Variants in TFAP2A observed in about 807,000 individuals in gnomAD.
The protein encoded by TFAP2A is transcription factor AP-2-alpha.
In TFAP2A, 7 loss-of-function variants were observed where a neutral mutation model predicts 41.5. That is an observed-to-expected ratio of 0.17 (90% CI 0.10 to 0.32). The LOEUF (loss-of-function observed/expected upper bound fraction) is 0.32, where lower values mean the gene tolerates loss of function less well. Among genes scored for constraint, TFAP2A ranks in the 10% least tolerant of loss-of-function variants. The pLI is 1.00. For missense variants in TFAP2A, 416 were observed against 563.3 expected, an observed-to-expected ratio of 0.74 and a Z score of 2.65; for synonymous variants, 247 against 242.8, an observed-to-expected ratio of 1.02 and a Z score of -0.16.
At chr6:10,413,288 C>T (rs1419555425) in intron 1 of TFAP2A, among the ~76,000 whole-genome samples, 1 of 152,112 alleles carries the variant, frequency 6.6e-6, no homozygotes, top group Admixed American at 6.5e-5. Flanking sequence ...CTTTTTTTGC[C>T]TCGCTTACAC....
chr6:10,407,660 A>G (rs1339290456), intron 2 of TFAP2A: 1 of 152,196 alleles, frequency 6.6e-6, no homozygotes, highest in Non-Finnish European at 1.5e-5. Context: ...CTGCTGAGAT[A>G]GAAGATTTTG....
At chr6:10,416,658 C>A (rs1349836359), upstream of TFAP2A, among the ~76,000 whole-genome samples, 3 of 152,142 alleles carry the variant, frequency 2.0e-5, no homozygotes, top group Non-Finnish European at 2.9e-5. Context: ...TCCCATATTT[C>A]CACCGGGCGT....
chr6:10,400,031 T>A (rs1761949281), intron 6 of TFAP2A, among the ~76,000 whole-genome samples: 1 of 152,040 alleles, frequency 6.6e-6, no homozygotes, highest in Admixed American at 6.6e-5. Flanking sequence ...GGCTTGCACA[T>A]TTTGCAGGCC....
chr6:10,416,488 C>G (rs1758249882), upstream of TFAP2A: 1 of 151,634 alleles, frequency 6.6e-6, no homozygotes, highest in South Asian at 2.1e-4. Flanking sequence ...AATTAATTTT[C>G]CTGGCTGAGC....
upstream of TFAP2A, chr6:10,415,396 T>G: frequency 1.6e-6 from 1 of 627,816 alleles, no homozygotes; most frequent in Non-Finnish European, 2.3e-6. Context: ...AAGGCCTCTC[T>G]ACGCCGCGAA....
chr6:10,415,181 G>A (rs2113230014), upstream of TFAP2A: 3 of 1,497,864 alleles, frequency 2.0e-6, no homozygotes, highest in East Asian at 5.0e-5. Context: ...AGGGCGAGGA[G>A]GAGGAGGAGG....
At chr6:10,404,165 C>G (rs1024500486) in intron 4 of TFAP2A, among the ~76,000 whole-genome samples, 2 of 152,240 alleles carry the variant, frequency 1.3e-5, no homozygotes, top group African/African-American at 4.8e-5. Flanking sequence ...CGGCGCCCCG[C>G]GGCTGCAGTG....
chr6:10,403,625 G>C (rs1757524052), intron 4 of TFAP2A, among the ~76,000 whole-genome samples: 1 of 152,122 alleles, frequency 6.6e-6, no homozygotes, highest in Non-Finnish European at 1.5e-5. Flanking sequence ...AACATTATCC[G>C]GGTAAGTTCA....
At chr6:10,402,005 C>A in intron 5 of TFAP2A, 3 of 258,930 alleles carry the variant, frequency 1.2e-5, no homozygotes, top group Non-Finnish European at 2.3e-5. Flanking sequence ...AAGAGAAAAG[C>A]ACAATTAAAG....
intron 6 of TFAP2A, among the ~76,000 whole-genome samples, chr6:10,399,283 A>G (rs1761913247): frequency 6.6e-6 from 1 of 152,246 alleles, no homozygotes; most frequent in Non-Finnish European, 1.5e-5. Context: ...GAATAACAAA[A>G]AAACAAAACG....
intron 6 of TFAP2A, among the ~76,000 whole-genome samples, chr6:10,399,924 CTG>C (rs58533284): frequency 1.3e-3 from 200 of 148,286 alleles, no homozygotes; most frequent in African/African-American, 2.9e-3. Flanking sequence ...CTCTCTCTGT[CTG>C]TGTGTGTGTG....
In TFAP2A at chr6:10,398,412, G is replaced by A. The variant is rs764897160; in HGVS notation, c.*5C>T. ...GCGTGGGAGGGGCGGGGCGGGAGGA[G>A]AGCCTCACTTTCTGTGCTTCTCCTC... On this transcript the variant is annotated 3_prime_UTR_variant, in exon 7 of 7. Coordinates refer to ENST00000379613, the MANE Select transcript of TFAP2A (RefSeq NM_001372066.1). The surrounding 1 kb of genome is among the most constrained non-coding windows in gnomAD (Gnocchi z 5.3). 1.9e-6 allele frequency: 3 copies of A among 1,613,768 alleles called. No homozygotes were observed. The highest frequency in any genetic ancestry group is 1.1e-5 in the South Asian group (1 of 91,054).
chr6:10,398,144 T>G lies in TFAP2A; in HGVS notation c.*273A>C, dbSNP rs1761852095. The G allele has an allele frequency of 7.1e-7, 1 of 1,406,034 alleles. No individual in the cohort carries two copies. The highest frequency in any genetic ancestry group is 2.7e-5 in the East Asian group (1 of 37,686). 87.1% of individuals were successfully genotyped at this position (1,406,034 alleles called of 1,614,324 possible). On this transcript the variant is annotated 3_prime_UTR_variant, in exon 7 of 7. Coordinates refer to ENST00000379613, the MANE Select transcript of TFAP2A (RefSeq NM_001372066.1). The surrounding 1 kb of genome is among the most constrained non-coding windows in gnomAD (Gnocchi z 5.3). Reference sequence around the variant, plus strand: ...TCTCTGCTGGCTTCACGGCCTGTTCTGTTCTCTTAGGCTCCACATGAGGGC... The same window carrying G: ...TCTCTGCTGGCTTCACGGCCTGTTCGGTTCTCTTAGGCTCCACATGAGGGC...
chr6:10,419,395 C>CA, upstream of TFAP2A: 1 of 1,613,712 alleles, frequency 6.2e-7, no homozygotes, highest in East Asian at 2.2e-5. Flanking sequence ...ACCTCAACCC[C>CA]AGCCAAGGCA....
rs913219402 is a variant in TFAP2A, at chr6:10,397,022, C to A, written c.*1395G>T. On this transcript the variant is annotated 3_prime_UTR_variant, in exon 7 of 7. Coordinates refer to ENST00000379613, the MANE Select transcript of TFAP2A (RefSeq NM_001372066.1). Reference sequence around the variant, plus strand: ...AAAAATACGCCTGGGTAAAGACAGCCACTGAATAAAAAAAAATCGACATAA... The same window carrying A: ...AAAAATACGCCTGGGTAAAGACAGCAACTGAATAAAAAAAAATCGACATAA... 6.6e-6 allele frequency: 1 copy of A among 152,244 alleles called. No individual in the cohort carries two copies. Among genetic ancestry groups the A allele is most frequent in the Non-Finnish European group, 1.5e-5 (1 of 68,016 alleles). 9.4% of individuals were successfully genotyped at this position (152,244 alleles called of 1,614,324 possible).
intron 1 of TFAP2A, among the ~76,000 whole-genome samples, chr6:10,414,329 C>G (rs535629734): frequency 1.3e-5 from 2 of 152,302 alleles, no homozygotes; most frequent in South Asian, 4.1e-4. Flanking sequence ...CTGGAGCGAG[C>G]CCCGCAGCTG....
At chr6:10,411,872 GAAAAACCCC>G in intron 1 of TFAP2A, 1 of 1,337,058 alleles carries the variant, frequency 7.5e-7, no homozygotes, top group Non-Finnish European at 9.6e-7. Flanking sequence ...CTTTAAAAAT[GAAAAACCCC>G]AAAAAAGGAA....
chr6:10,404,703 A>G lies in TFAP2A; in HGVS notation c.575T>C (p.Val192Ala), dbSNP rs1339506384. ...GTCCTTGTTAATAGGGATGGCGGAG[A>G]CGGCATTGCTGTTGGACTTGGACAG... ...VSLSKSNSNA[V>A]SAIPINKDNL... The change falls in exon 4 of 7, where the codon GTC (valine) becomes GCC (alanine). Residue 192 changes from valine to alanine, a missense_variant. By Grantham distance (64) the Val-to-Ala change is moderately conservative (BLOSUM62 0). This residue lies in a region of TFAP2A where 241 missense variants were observed against 274.1 expected (regional missense o/e 0.88). Transcript: ENST00000379613. 2 of 1,614,004 alleles carry G rather than the reference A, an allele frequency of 1.2e-6. No individual in the cohort carries two copies. Among genetic ancestry groups the G allele is most frequent in the Non-Finnish European group, 1.7e-6 (2 of 1,180,004 alleles).
intron 2 of TFAP2A, 44 bp downstream of exon 2, chr6:10,409,857 T>C (rs965865628): frequency 1.3e-6 from 2 of 1,543,476 alleles, no homozygotes; most frequent in Non-Finnish European, 8.7e-7. Context: ...GGTAGGTAAG[T>C]AGGGGGCTGT....
Sources: gnomAD v4.1 joint callset for allele counts (sites outside exome capture counted in the v4.1 genomes callset) on GRCh38, gnomAD v4.1.1 for gene constraint, gnomAD v4.1.1 regional missense constraint, Gnocchi (gnomAD v3.1) non-coding constraint, MANE v1.5 for transcripts, NCBI Gene and HGNC (gene_info 2026-07-23, HGNC 2026-07-21) for gene names.